The following AGBL1 variants were observed in gnomAD, a reference collection of about 807,000 sequenced individuals.
AGBL1 encodes the protein AGBL carboxypeptidase 1.
A neutral mutation model predicts 118.9 loss-of-function variants in AGBL1; 130 were observed. That is an observed-to-expected ratio of 1.09 (90% CI 0.95 to 1.26). The LOEUF (loss-of-function observed/expected upper bound fraction) is 1.26, where lower values mean the gene tolerates loss of function less well. Among genes scored for constraint, AGBL1 ranks in the 50% most tolerant of loss-of-function variants. The pLI is 0.00. For synonymous variants in AGBL1, 555 were observed against 478.9 expected (o/e 1.16, Z -2.08); for missense variants, 1,584 against 1,298.1 (o/e 1.22, Z -3.38).
chr15:86,257,501 T>C (rs1274210435), intron 8 of AGBL1, among the ~76,000 whole-genome samples: 1 of 152,260 alleles, frequency 6.6e-6, no homozygotes, highest in Non-Finnish European at 1.5e-5. Flanking sequence ...AGATTTTCTA[T>C]AGGCATAATT....
At position 86,426,796 on chromosome 15, in the gene AGBL1, T is replaced by G. The variant is rs376826096; in HGVS notation, c.2555+29250T>G. On this transcript the variant is annotated intron_variant, in intron 18 of 22. Coordinates refer to ENST00000614907, the MANE Select transcript of AGBL1 (RefSeq NM_001386094.1). ...TATTTATTTATTAAGAGATGGAGTC[T>G]CACTCTGTCACCCAGGCTGGAGTGC... Among the ~76,000 whole-genome samples, 7 of 152,330 alleles carry G rather than the reference T, an allele frequency of 4.6e-5. No homozygotes were observed. In the East Asian group the frequency reaches 1.3e-3, roughly 29 times the overall value.
At chr15:86,976,710 GAT>G (rs1406540169) in intron 23 of AGBL1, among the ~76,000 whole-genome samples, 3 of 151,690 alleles carry the variant, frequency 2.0e-5, no homozygotes, top group Non-Finnish European at 4.4e-5. Context: ...CTTCAAAGTT[GAT>G]AGACAAAATT....
At chr15:86,605,397 C>T (rs1294038158) in intron 21 of AGBL1, among the ~76,000 whole-genome samples, 1 of 152,090 alleles carries the variant, frequency 6.6e-6, no homozygotes, top group Non-Finnish European at 1.5e-5. Flanking sequence ...TCTTTCTTCT[C>T]AATCTAGTTC....
At chr15:86,253,630 T>TA (rs1480869246) in intron 7 of AGBL1, among the ~76,000 whole-genome samples, 2 of 152,162 alleles carry the variant, frequency 1.3e-5, no homozygotes, top group Non-Finnish European at 2.9e-5. Flanking sequence ...TAGAACTTCC[T>TA]AGGGCACAAA....
intron 23 of AGBL1, among the ~76,000 whole-genome samples, chr15:86,956,368 G>A (rs1249014138): frequency 6.6e-6 from 1 of 151,932 alleles, no homozygotes; most frequent in Non-Finnish European, 1.5e-5. Context: ...GAGTGAGAGA[G>A]GCAGATAAAA....
intron 17 of AGBL1, among the ~76,000 whole-genome samples, chr15:86,331,569 T>C (rs903850555): frequency 3.3e-5 from 5 of 152,132 alleles, no homozygotes; most frequent in African/African-American, 1.2e-4. Context: ...TCAGATTGCA[T>C]ACATAGGGAA....
chr15:86,988,077 G>T (rs1365438200), exon 24 of AGBL1: 1 of 1,613,344 alleles, frequency 6.2e-7, no homozygotes, highest in Non-Finnish European at 8.5e-7. Context: ...ACCTTCTTCT[G>T]CATGTCTCCC....
intron 24 of AGBL1, among the ~76,000 whole-genome samples, chr15:87,014,925 C>T (rs28698200): frequency 9.2e-5 from 14 of 152,056 alleles, no homozygotes; most frequent in African/African-American, 2.7e-4. Context: ...CATTGTTTCT[C>T]GGCGTCTCTC....
At chr15:86,976,627 T>G (rs1414393014) in intron 23 of AGBL1, among the ~76,000 whole-genome samples, 1 of 152,026 alleles carries the variant, frequency 6.6e-6, no homozygotes, top group East Asian at 1.9e-4. Flanking sequence ...AGGAAAGTAA[T>G]TCTAAAGCTC....
At chr15:86,457,914 G>A (rs933334163) in intron 18 of AGBL1, among the ~76,000 whole-genome samples, 8 of 152,178 alleles carry the variant, frequency 5.3e-5, no homozygotes, top group African/African-American at 1.9e-4. Flanking sequence ...TCCATGTGGG[G>A]CCCTTGGCCT....
At chr15:86,218,777 G>A (rs191678635) in intron 5 of AGBL1, among the ~76,000 whole-genome samples, 108 of 152,246 alleles carry the variant, frequency 7.1e-4, no homozygotes, top group Admixed American at 3.8e-3. Context: ...ACAGCAAGCC[G>A]GCAGTGTCCT....
At chr15:86,740,781 T>C (rs2077666296) in intron 22 of AGBL1, among the ~76,000 whole-genome samples, 1 of 152,148 alleles carries the variant, frequency 6.6e-6, no homozygotes, top group Admixed American at 6.6e-5. Flanking sequence ...ATGTAAGGTA[T>C]CCCAAGTAAA....
chr15:86,860,244 C>T (rs200889579), intron 22 of AGBL1, among the ~76,000 whole-genome samples: 11 of 152,108 alleles, frequency 7.2e-5, no homozygotes, highest in Middle Eastern at 3.4e-3. Flanking sequence ...CAGGAGATGA[C>T]GCATGCATGG....
intron 22 of AGBL1, among the ~76,000 whole-genome samples, chr15:86,780,989 G>A (rs2078328290): frequency 6.6e-6 from 1 of 152,016 alleles, no homozygotes; most frequent in Admixed American, 6.6e-5. Context: ...TTAATTGTTT[G>A]AATTGCTCAT....
intron 21 of AGBL1, among the ~76,000 whole-genome samples, chr15:86,605,976 A>G (rs1248276253): frequency 6.6e-6 from 1 of 151,876 alleles, no homozygotes; most frequent in South Asian, 2.1e-4. Context: ...AAAATACAAA[A>G]ATTAGCCTGG....
At chr15:86,126,859 A>G (rs151227118) in intron 1 of AGBL1, among the ~76,000 whole-genome samples, 75 of 152,346 alleles carry the variant, frequency 4.9e-4, no homozygotes, top group African/African-American at 1.8e-3. Context: ...GCCACATAGC[A>G]CTGAGATTCC....
chr15:86,392,361 G>A (rs980621011), intron 17 of AGBL1, among the ~76,000 whole-genome samples: 2 of 152,060 alleles, frequency 1.3e-5, no homozygotes, highest in Non-Finnish European at 2.9e-5. Context: ...ACAGTTGTTT[G>A]CGTTAGTATA....
intron 21 of AGBL1, among the ~76,000 whole-genome samples, chr15:86,664,259 C>G (rs2085600151): frequency 1.3e-5 from 2 of 152,124 alleles, no homozygotes; most frequent in African/African-American, 4.8e-5. Flanking sequence ...TGATCCAGTC[C>G]TCAGCATGAA....
intron 22 of AGBL1, among the ~76,000 whole-genome samples, chr15:86,771,415 A>G (rs1481539094): frequency 6.6e-6 from 1 of 151,700 alleles, no homozygotes; most frequent in Non-Finnish European, 1.5e-5. Context: ...GCTCTTTCCA[A>G]TGCGCTTAAT....
Sources: allele counts gnomAD v4.1 joint callset (sites outside exome capture counted in the v4.1 genomes callset), GRCh38; gene constraint gnomAD v4.1.1; transcripts MANE v1.5; gene names NCBI Gene and HGNC (gene_info 2026-07-23, HGNC 2026-07-21).